The following TBC1D22A variants were observed in gnomAD, a reference collection of about 807,000 sequenced individuals.
The protein encoded by TBC1D22A is TBC1 domain family member 22A.
TBC1D22A carries 38 observed loss-of-function variants against 60.2 expected under a neutral mutation model. That is an observed-to-expected ratio of 0.63 (90% CI 0.49 to 0.83). The LOEUF (loss-of-function observed/expected upper bound fraction) is 0.83. TBC1D22A is among the 40% of genes least tolerant of loss of function. The pLI is 0.00. For synonymous variants in TBC1D22A, 302 were observed against 281.7 expected (o/e 1.07, Z -0.72); for missense variants, 628 against 701.0 (o/e 0.90, Z 1.18).
chr22:47,144,319 G>A (rs2067214322), intron 12 of TBC1D22A, among the ~76,000 whole-genome samples: 1 of 152,184 alleles, frequency 6.6e-6, no homozygotes, highest in Admixed American at 6.5e-5. Flanking sequence ...TCTCCCAGAG[G>A]ACGGCGTCCA....
intron 10 of TBC1D22A, among the ~76,000 whole-genome samples, chr22:47,034,056 C>G (rs1206331409): frequency 6.6e-6 from 1 of 152,234 alleles, no homozygotes; most frequent in East Asian, 1.9e-4. Context: ...GTTTTGTTCT[C>G]TCCACTTGCC....
At chr22:46,878,787 C>T in intron 5 of TBC1D22A, 64 bp downstream of exon 5, 2 of 1,529,748 alleles carry the variant, frequency 1.3e-6, no homozygotes, top group South Asian at 2.2e-5. Context: ...AGGCGTCTGG[C>T]CTGAGTAGGG....
At chr22:46,988,374 G>C (rs2074807922) in intron 9 of TBC1D22A, among the ~76,000 whole-genome samples, 1 of 152,194 alleles carries the variant, frequency 6.6e-6, no homozygotes, top group Admixed American at 6.5e-5. Context: ...CTTTCCACAG[G>C]GTTTTCAGTG....
At chr22:47,103,142 C>T (rs538116154) in intron 11 of TBC1D22A, among the ~76,000 whole-genome samples, 1 of 152,326 alleles carries the variant, frequency 6.6e-6, no homozygotes, top group East Asian at 1.9e-4. Context: ...CCCCAGGCTC[C>T]TGGTAACCCA....
At chr22:46,913,760 A>G in intron 8 of TBC1D22A, 1 of 985,384 alleles carries the variant, frequency 1.0e-6, no homozygotes, top group Non-Finnish European at 1.2e-6. Flanking sequence ...TAGACCATTT[A>G]ATTAATGTGG....
intron 4 of TBC1D22A, among the ~76,000 whole-genome samples, chr22:46,843,844 C>T (rs2147236447): frequency 6.6e-6 from 1 of 152,074 alleles, no homozygotes; most frequent in South Asian, 2.1e-4. Context: ...GTAAACACAG[C>T]CTGGGGAGTA....
chr22:46,848,591 T>G (rs965772607), intron 4 of TBC1D22A, among the ~76,000 whole-genome samples: 24 of 152,214 alleles, frequency 1.6e-4, no homozygotes, highest in Non-Finnish European at 4.4e-5. Flanking sequence ...CCAGGTAGGC[T>G]CTCTCTGGTA....
chr22:47,149,242 G>A (rs1351538059), intron 12 of TBC1D22A, among the ~76,000 whole-genome samples: 1 of 152,216 alleles, frequency 6.6e-6, no homozygotes, highest in Non-Finnish European at 1.5e-5. Flanking sequence ...CTGCTGGCCT[G>A]TGGAGGTGAG....
At chr22:46,825,694 G>A (rs1311595557) in intron 4 of TBC1D22A, among the ~76,000 whole-genome samples, 1 of 151,974 alleles carries the variant, frequency 6.6e-6, no homozygotes, top group Non-Finnish European at 1.5e-5. Context: ...GGCTGGTCTC[G>A]AATTTCTGGC....
At chr22:47,055,089 G>T (rs977189713) in intron 11 of TBC1D22A, among the ~76,000 whole-genome samples, 1 of 152,222 alleles carries the variant, frequency 6.6e-6, no homozygotes, top group African/African-American at 2.4e-5. Context: ...GCACTGGCAG[G>T]AGCAGGTTGT....
chr22:46,951,091 G>T (rs2072875561), intron 8 of TBC1D22A, among the ~76,000 whole-genome samples: 1 of 152,128 alleles, frequency 6.6e-6, no homozygotes, highest in South Asian at 2.1e-4. Context: ...GTGGCATTGG[G>T]CCTACCTAAC....
chr22:46,800,050 G>C (rs2084827880), intron 4 of TBC1D22A, among the ~76,000 whole-genome samples: 1 of 152,146 alleles, frequency 6.6e-6, no homozygotes, highest in Non-Finnish European at 1.5e-5. Context: ...CACTTTTTAA[G>C]GGAATGATAC....
chr22:46,985,965 T>C (rs545738940), intron 9 of TBC1D22A, among the ~76,000 whole-genome samples: 1 of 152,234 alleles, frequency 6.6e-6, no homozygotes, highest in Admixed American at 6.5e-5. Context: ...TTTTTTCTTT[T>C]GTGGTAATAG....
chr22:47,151,579 C>T (rs1601686238), intron 12 of TBC1D22A, among the ~76,000 whole-genome samples: 1 of 152,178 alleles, frequency 6.6e-6, no homozygotes, highest in Non-Finnish European at 1.5e-5. Flanking sequence ...TCCCTCGTGG[C>T]CCCTCTCCAG....
intron 8 of TBC1D22A, among the ~76,000 whole-genome samples, chr22:46,954,197 C>G (rs529953524): frequency 6.6e-6 from 1 of 152,346 alleles, no homozygotes; most frequent in East Asian, 1.9e-4. Context: ...AGACAGGCCC[C>G]AGCCCCAGTC....
At position 46,777,370 on chromosome 22, in the gene TBC1D22A, T is replaced by C. The variant is rs1394960905; in HGVS notation, c.62+14522T>C. Among the ~76,000 whole-genome samples the C allele has an allele frequency of 6.6e-6, 1 of 151,918 alleles. No individual in the cohort carries two copies. The highest frequency in any genetic ancestry group is 1.5e-5 in the Non-Finnish European group (1 of 67,972). On this transcript the variant is annotated intron_variant, in intron 1 of 12. Transcript: ENST00000337137. The surrounding 1 kb of genome is among the most constrained non-coding windows in gnomAD (Gnocchi z 4.5). ...GGTAGAGAGTGATGTTGTCCAAGGG[T>C]GGGGACCGAAGAGTGGGTGTGAGGA... is the stretch of plus-strand genomic sequence containing the variant.
intron 11 of TBC1D22A, among the ~76,000 whole-genome samples, chr22:47,058,022 G>T (rs1042001259): frequency 6.6e-6 from 1 of 152,128 alleles, no homozygotes; most frequent in African/African-American, 2.4e-5. Context: ...GCAGGGCCTC[G>T]ACCCCCCTTG....
intron 11 of TBC1D22A, among the ~76,000 whole-genome samples, chr22:47,073,857 T>C (rs2064103617): frequency 6.6e-6 from 1 of 152,162 alleles, no homozygotes; most frequent in Non-Finnish European, 1.5e-5. Flanking sequence ...GCTGGGCACA[T>C]TAGCACACAC....
intron 4 of TBC1D22A, among the ~76,000 whole-genome samples, chr22:46,800,737 G>GGTT (rs2084862520): frequency 6.6e-6 from 1 of 152,230 alleles, no homozygotes; most frequent in Admixed American, 6.5e-5. Flanking sequence ...TTATTTTTAT[G>GGTT]GTTGTTGTTA....
Sources: allele counts gnomAD v4.1 joint callset (sites outside exome capture counted in the v4.1 genomes callset), GRCh38; gene constraint gnomAD v4.1.1; non-coding constraint Gnocchi (gnomAD v3.1); transcripts MANE v1.5; gene names NCBI Gene and HGNC (gene_info 2026-07-23, HGNC 2026-07-21).